Variants in METTL25 observed in about 807,000 individuals in gnomAD.
METTL25 encodes probable methyltransferase-like protein 25.
In METTL25, 64 loss-of-function variants were observed where a neutral mutation model predicts 71.6. The ratio of observed to expected loss-of-function variants is 0.89; its 90% CI spans 0.73 to 1.10. The LOEUF is 1.10. METTL25 is among the 50% of genes least tolerant of loss of function. The pLI, the probability that METTL25 is intolerant of heterozygous loss-of-function variation, is 0.00. For missense variants in METTL25, 807 were observed against 707.0 expected (o/e 1.14, Z -1.60); for synonymous variants, 287 against 250.3 (o/e 1.15, Z -1.38).
chr12:82,369,338 G>A (rs897331999), intron 1 of METTL25: 6 of 348,004 alleles, frequency 1.7e-5, no homozygotes, highest in African/African-American at 8.7e-5. Context: ...GTGACACATA[G>A]TAGGTACAAA....
At chr12:82,445,462 A>T (rs1220263462) in intron 8 of METTL25, among the ~76,000 whole-genome samples, 1 of 151,960 alleles carries the variant, frequency 6.6e-6, no homozygotes, top group African/African-American at 2.4e-5. Context: ...TTAGCATTGT[A>T]TTGAGCTCAA....
Position 82,398,784 on chromosome 12 carries a change from T to C in METTL25, c.532-11T>C, listed in dbSNP as rs540781979. On this transcript the variant is annotated splice_polypyrimidine_tract_variant and intron_variant, in intron 3 of 11. Coordinates refer to ENST00000248306, the MANE Select transcript of METTL25 (RefSeq NM_032230.3). ...AAAATTCTTTAATTTATTCTTTTTT[T>C]CTAATCTTAGGTGATTGACTTGGGT... is the stretch of plus-strand genomic sequence containing the variant. 45 of 1,428,966 alleles carry C rather than the reference T, an allele frequency of 3.1e-5. No individual in the cohort carries two copies. The South Asian group carries it at 6.5e-4, about 21-fold the overall frequency. 88.5% of individuals were successfully genotyped at this position (1,428,966 alleles called of 1,614,324 possible). A position where few individuals can be genotyped will look rare whatever the true frequency, so the allele number is the denominator to read the frequency against.
chr12:82,358,745 T>C lies in METTL25; in HGVS notation c.180T>C (p.Ala60=), dbSNP rs890404393. Residue 60 remains alanine (A), a synonymous_variant, in exon 1 of 12, where the codon GCT becomes GCC. Transcript: ENST00000248306. ...ACTTGCCACCGGAGACAGTGCTGGCTGCGCTGAGGAAGTCAGCGTCGGAGA... is the reference window on the plus strand; with the variant it reads ...ACTTGCCACCGGAGACAGTGCTGGCCGCGCTGAGGAAGTCAGCGTCGGAGA... ...LVDLPPETVL[A]ALRKSASETE... 7.4e-6 allele frequency: 12 copies of C among 1,613,882 alleles called. No individual in the cohort carries two copies. The Admixed American group carries it at 1.8e-4, about 25-fold the overall frequency.
intron 3 of METTL25, among the ~76,000 whole-genome samples, chr12:82,392,793 T>C (rs1434099571): frequency 6.6e-6 from 1 of 152,070 alleles, no homozygotes; most frequent in African/African-American, 2.4e-5. Context: ...CTTTAATCCA[T>C]TTTGATTTGA....
intron 8 of METTL25, among the ~76,000 whole-genome samples, chr12:82,453,305 G>A (rs1474434889): frequency 1.3e-5 from 2 of 152,142 alleles, no homozygotes; most frequent in Non-Finnish European, 2.9e-5. Flanking sequence ...ACACACTTTG[G>A]TGTGGTGTCA....
chr12:82,358,537 G>T lies in METTL25; in HGVS notation c.-29G>T. On this transcript the variant is annotated 5_prime_UTR_variant, in exon 1 of 12. Transcript: ENST00000248306. ...GCTGGCGCCTCACGGCCATGTTTGC[G>T]CCACCTACAGCCTCGGAGGGTGAGC... 1 of 1,602,550 alleles carries T rather than the reference G, an allele frequency of 6.2e-7. No homozygotes were observed.
At chr12:82,373,787 C>T (rs2136875082) in intron 1 of METTL25, among the ~76,000 whole-genome samples, 1 of 152,300 alleles carries the variant, frequency 6.6e-6, no homozygotes, top group African/African-American at 2.4e-5. Context: ...CCAGTGCTCC[C>T]AACTCCAAAG....
chr12:82,440,673 A>G (rs755660468), intron 8 of METTL25, among the ~76,000 whole-genome samples: 1 of 152,056 alleles, frequency 6.6e-6, no homozygotes, highest in Non-Finnish European at 1.5e-5. Flanking sequence ...TGTTCTAGTC[A>G]GGATGGCTTA....
intron 6 of METTL25, among the ~76,000 whole-genome samples, chr12:82,433,651 A>G (rs1199285545): frequency 3.3e-5 from 5 of 151,604 alleles, no homozygotes; most frequent in African/African-American, 1.2e-4. Context: ...ATTTGAGGAA[A>G]GTTAACTTAT....
At chr12:82,448,672 C>G (rs990248508) in intron 8 of METTL25, among the ~76,000 whole-genome samples, 2 of 151,988 alleles carry the variant, frequency 1.3e-5, no homozygotes, top group Non-Finnish European at 2.9e-5. Context: ...GGAAAGTGAT[C>G]TTAAAAACTA....
At chr12:82,441,422 A>G (rs1003203208) in intron 8 of METTL25, among the ~76,000 whole-genome samples, 1 of 151,970 alleles carries the variant, frequency 6.6e-6, no homozygotes, top group Non-Finnish European at 1.5e-5. Context: ...AAGCCAGAGA[A>G]AGGCTTAAAA....
intron 8 of METTL25, among the ~76,000 whole-genome samples, chr12:82,453,210 T>C (rs1891268229): frequency 6.6e-6 from 1 of 152,154 alleles, no homozygotes. Flanking sequence ...TTATTTAGTA[T>C]CCCATAGGTT....
At chr12:82,402,905 G>A in intron 4 of METTL25, 78 bp from the exon 5 acceptor site, 1 of 1,069,606 alleles carries the variant, frequency 9.3e-7, no homozygotes, top group South Asian at 1.6e-5. Context: ...GCAAGATCCT[G>A]TATGTAAAAA....
chr12:82,469,949 AT>A (rs903722803), intron 9 of METTL25, among the ~76,000 whole-genome samples: 8 of 152,060 alleles, frequency 5.3e-5, no homozygotes, highest in Non-Finnish European at 1.0e-4. Flanking sequence ...TATAGTTCTC[AT>A]TTTTTATGCT....
chr12:82,459,187 T>G (rs1208591817), intron 9 of METTL25, among the ~76,000 whole-genome samples: 1 of 152,132 alleles, frequency 6.6e-6, no homozygotes, highest in Non-Finnish European at 1.5e-5. Flanking sequence ...GTTAGAATTA[T>G]CAGACCAGGA....
chr12:82,371,983 G>T (rs1024859595), intron 1 of METTL25, among the ~76,000 whole-genome samples: 2 of 152,172 alleles, frequency 1.3e-5, no homozygotes, highest in Non-Finnish European at 2.9e-5. Flanking sequence ...TTGCTGACTG[G>T]TAGGGAATTT....
intron 1 of METTL25, among the ~76,000 whole-genome samples, chr12:82,364,930 ATGTT>A (rs1403904987): frequency 9.2e-5 from 14 of 152,168 alleles, no homozygotes; most frequent in African/African-American, 3.1e-4. Flanking sequence ...CAAAGGTACA[ATGTT>A]TGTCTTTTTC....
At chr12:82,413,504 G>A (rs1406814960) in intron 5 of METTL25, among the ~76,000 whole-genome samples, 5 of 152,076 alleles carry the variant, frequency 3.3e-5, no homozygotes, top group African/African-American at 1.2e-4. Context: ...AGATGTCCAA[G>A]GGAGTGCAGA....
At chr12:82,428,189 T>G (rs1437220982) in intron 5 of METTL25, among the ~76,000 whole-genome samples, 2 of 151,904 alleles carry the variant, frequency 1.3e-5, no homozygotes, top group Non-Finnish European at 2.9e-5. Flanking sequence ...ATATAATTTC[T>G]GCCCACATTC....
Sources: gnomAD v4.1 joint callset for allele counts (sites outside exome capture counted in the v4.1 genomes callset) on GRCh38, gnomAD v4.1.1 for gene constraint, MANE v1.5 for transcripts, NCBI Gene and HGNC (gene_info 2026-07-23, HGNC 2026-07-21) for gene names.